Variants in TET3 observed in about 807,000 individuals in gnomAD.
TET3 encodes the protein tet methylcytosine dioxygenase 3.
TET3 carries 19 observed loss-of-function variants against 141.4 expected under a neutral mutation model. The observed-to-expected ratio is 0.13, with a 90% CI of 0.09 to 0.20. The LOEUF (loss-of-function observed/expected upper bound fraction) is 0.20, where lower values mean the gene tolerates loss of function less well. Among genes scored for constraint, TET3 ranks in the 10% least tolerant of loss-of-function variants. TET3 has a pLI of 1.00. For missense variants in TET3, 1,874 were observed against 2,356.9 expected, an observed-to-expected ratio of 0.80 and a Z score of 4.24; for synonymous variants, 1,043 against 980.9, an observed-to-expected ratio of 1.06 and a Z score of -1.18.
At chr2:74,024,090 T>C (rs895763055) in intron 3 of TET3, among the ~76,000 whole-genome samples, 1 of 152,258 alleles carries the variant, frequency 6.6e-6, no homozygotes, top group African/African-American at 2.4e-5. Flanking sequence ...CTCACTGATA[T>C]TTAATCTTTA....
chr2:74,131,113 G>C, the TET3 span, among the ~76,000 whole-genome samples: 1 of 152,128 alleles, frequency 6.6e-6, no homozygotes, highest in Admixed American at 6.5e-5. Context: ...TCACTAATGA[G>C]ACTCTTAAAT....
the TET3 span, chr2:74,135,271 A>G: frequency 2.1e-6 from 1 of 477,314 alleles, no homozygotes; most frequent in Non-Finnish European, 3.7e-6. Context: ...AGTTTCGTGG[A>G]GGGGAAGAAA....
chr2:74,105,710 G>A lies in TET3; in HGVS notation c.*3534G>A, dbSNP rs577672770. ...TTTTTAAAGCGCTAAAGCAAGGAAAGAAGTAGCAGAGCTTAACTGCTTTGT... is the reference window on the plus strand; with the variant it reads ...TTTTTAAAGCGCTAAAGCAAGGAAAAAAGTAGCAGAGCTTAACTGCTTTGT... On this transcript the variant is annotated 3_prime_UTR_variant, in exon 12 of 12. Transcript: ENST00000409262. 2 of 232,368 alleles carry A rather than the reference G, an allele frequency of 8.6e-6. No homozygotes were observed. The highest frequency in any genetic ancestry group is 1.7e-5 in the Non-Finnish European group (2 of 120,344). The allele number at this position is 232,368 out of a possible 1,614,324, so 14.4% of individuals were successfully genotyped here.
At chr2:74,062,002 C>T (rs1281362498) in intron 4 of TET3, among the ~76,000 whole-genome samples, 1 of 152,166 alleles carries the variant, frequency 6.6e-6, no homozygotes, top group Non-Finnish European at 1.5e-5. Flanking sequence ...AGACGCTCCT[C>T]ACTTCCCAGA....
intron 2 of TET3, among the ~76,000 whole-genome samples, chr2:73,999,857 C>T (rs1684760345): frequency 6.6e-6 from 1 of 152,068 alleles, no homozygotes; most frequent in Admixed American, 6.5e-5. Context: ...CCCTTGAGCC[C>T]CGGCATTCCA....
Position 74,105,628 on chromosome 2 carries a change from C to T in TET3, c.*3452C>T, listed in dbSNP as rs1691449950. The T allele has an allele frequency of 2.7e-6, 1 of 373,618 alleles. No individual in the cohort carries two copies. The allele number at this position is 373,618 out of a possible 1,614,324, so 23.1% of individuals were successfully genotyped here. A position where few individuals can be genotyped will look rare whatever the true frequency, so the allele number is the denominator to read the frequency against. The stretch of plus-strand genomic sequence containing the variant: ...GTGGAAAGAGATGATACCCCACCGC[C>T]CCCTCTTGGTCCTTCCACCAGCCTC... On this transcript the variant is annotated 3_prime_UTR_variant, in exon 12 of 12. Coordinates refer to ENST00000409262, the MANE Select transcript of TET3 (RefSeq NM_001287491.2).
At chr2:74,060,809 T>G (rs555738939) in intron 4 of TET3, among the ~76,000 whole-genome samples, 2 of 152,176 alleles carry the variant, frequency 1.3e-5, no homozygotes, top group Admixed American at 1.3e-4. Flanking sequence ...TGAGTGGACA[T>G]AGCACATGTT....
chr2:74,082,449 G>A (rs1689885256), intron 6 of TET3, among the ~76,000 whole-genome samples: 1 of 152,188 alleles, frequency 6.6e-6, no homozygotes, highest in African/African-American at 2.4e-5. Context: ...TACATTCAAG[G>A]AGGGAACAAC....
At chr2:74,037,247 T>G (rs546694284) in intron 3 of TET3, among the ~76,000 whole-genome samples, 1 of 152,238 alleles carries the variant, frequency 6.6e-6, no homozygotes, top group Non-Finnish European at 1.5e-5. Context: ...ATTAGTTTTA[T>G]CAATAAATCT....
At position 74,101,096 on chromosome 2, in the gene TET3, A is replaced by ACAGT; in HGVS notation, c.4309_4312dup (p.Tyr1438SerfsTer14). The ACAGT allele has an allele frequency of 6.2e-7, 1 of 1,613,138 alleles. No individual in the cohort carries two copies. Among genetic ancestry groups the ACAGT allele is most frequent in the Non-Finnish European group, 8.5e-7 (1 of 1,179,518 alleles). On this transcript the variant is annotated frameshift_variant, in exon 12 of 12. Coordinates refer to ENST00000409262, the MANE Select transcript of TET3 (RefSeq NM_001287491.2). LOFTEE classifies it high-confidence loss of function. The surrounding 1 kb of genome is among the most constrained non-coding windows in gnomAD (Gnocchi z 8.5). ...ATGGAGGACCCAGTCACCTTTGGGG[A>ACAGT]CAGTACTCAGGAGGCCCAAGCATGT...
At chr2:73,988,863 A>G (rs1684176774) in intron 2 of TET3, among the ~76,000 whole-genome samples, 2 of 150,784 alleles carry the variant, frequency 1.3e-5, no homozygotes, top group African/African-American at 2.4e-5. Flanking sequence ...TGTTTAAAAT[A>G]CGCTTTCTTA....
chr2:74,088,024 C>T lies in TET3; in HGVS notation c.2874C>T (p.Cys958=), dbSNP rs373837465. 5.8e-6 allele frequency: 9 copies of T among 1,559,186 alleles called. No individual in the cohort carries two copies. The highest frequency in any genetic ancestry group is 5.5e-5 in the African/African-American group (4 of 73,296). ...ATGGGAACCCCACCAGCCGGAGATG[C>T]GGCCTCAACGATGAGTATGTAGCAG... ...RKYGNPTSRR[C]GLNDDRTCAC... is the part of the protein sequence containing the mutation. The change falls in exon 7 of 12, where the codon TGC becomes TGT. Residue 958 remains cysteine, a synonymous_variant. Coordinates refer to ENST00000409262, the MANE Select transcript of TET3 (RefSeq NM_001287491.2).
At chr2:74,022,412 G>T (rs974058808) in intron 3 of TET3, among the ~76,000 whole-genome samples, 1 of 149,040 alleles carries the variant, frequency 6.7e-6, no homozygotes, top group African/African-American at 2.5e-5. Flanking sequence ...TGTTTGGGGG[G>T]TTTTTTGTTT....
At chr2:74,094,915 A>G (rs1049118460) in intron 10 of TET3, among the ~76,000 whole-genome samples, 5 of 152,172 alleles carry the variant, frequency 3.3e-5, no homozygotes, top group African/African-American at 1.2e-4. Flanking sequence ...TGGAGTAGGC[A>G]GGGGGCAAGG....
At chr2:74,112,345 C>G (rs1691724101), downstream of TET3, among the ~76,000 whole-genome samples, 2 of 152,104 alleles carry the variant, frequency 1.3e-5, no homozygotes, top group Admixed American at 1.3e-4. Context: ...CAAGAACCCA[C>G]TCCTTTTATT....
chr2:74,032,810 G>A (rs576381874), intron 3 of TET3, among the ~76,000 whole-genome samples: 110 of 152,290 alleles, frequency 7.2e-4, no homozygotes, highest in Middle Eastern at 3.4e-3. Flanking sequence ...GCAGGGGAGC[G>A]TGTGCTGCCC....
intron 4 of TET3, among the ~76,000 whole-genome samples, chr2:74,069,109 C>G (rs1689060693): frequency 6.6e-6 from 1 of 151,500 alleles, no homozygotes; most frequent in South Asian, 2.1e-4. Context: ...TTTTTTAAAA[C>G]TTCCATTTTT....
intron 3 of TET3, among the ~76,000 whole-genome samples, chr2:74,028,991 G>A (rs1371578330): frequency 6.6e-6 from 1 of 152,156 alleles, no homozygotes; most frequent in East Asian, 1.9e-4. Context: ...CTCTTGCTGG[G>A]CATGTCTTCA....
chr2:74,037,882 A>T (rs1047982481), intron 3 of TET3, among the ~76,000 whole-genome samples: 11 of 152,288 alleles, frequency 7.2e-5, no homozygotes, highest in Middle Eastern at 3.4e-3. Context: ...GTTGAGAGTA[A>T]GGAAGGATTT....
Sources: allele counts gnomAD v4.1 joint callset (sites outside exome capture counted in the v4.1 genomes callset), GRCh38; gene constraint gnomAD v4.1.1; non-coding constraint Gnocchi (gnomAD v3.1); transcripts MANE v1.5; gene names NCBI Gene and HGNC (gene_info 2026-07-23, HGNC 2026-07-21).